The following RGS3 variants were observed in gnomAD, a reference collection of about 807,000 sequenced individuals.
The protein encoded by RGS3 is regulator of G protein signaling 3.
In RGS3, 80 loss-of-function variants were observed where a neutral mutation model predicts 132.6. The ratio of observed to expected loss-of-function variants is 0.60; its 90% CI spans 0.50 to 0.73. The LOEUF is 0.73. Among genes scored for constraint, RGS3 ranks in the 30% least tolerant of loss-of-function variants. The pLI is 0.00. For synonymous variants in RGS3, 598 were observed against 620.6 expected (o/e 0.96, Z 0.54); for missense variants, 1,382 against 1,530.8 (o/e 0.90, Z 1.62).
At chr9:113,480,674 G>A (rs1170831665) in intron 4 of RGS3, among the ~76,000 whole-genome samples, 1 of 152,174 alleles carries the variant, frequency 6.6e-6, no homozygotes, top group Non-Finnish European at 1.5e-5. Flanking sequence ...CAGGGAGGGT[G>A]TGGCTAGCAC....
intron 19 of RGS3, among the ~76,000 whole-genome samples, chr9:113,541,085 C>T (rs970019014): frequency 3.3e-5 from 5 of 152,206 alleles, no homozygotes; most frequent in Non-Finnish European, 7.3e-5. Flanking sequence ...CTGCCATATT[C>T]CAGGGGCCCA....
chr9:113,528,527 G>A (rs943961582), intron 17 of RGS3, among the ~76,000 whole-genome samples: 6 of 152,312 alleles, frequency 3.9e-5, no homozygotes, highest in Middle Eastern at 3.4e-3. Flanking sequence ...CTTCTGAAGC[G>A]CTCTGAGCAA....
chr9:113,575,934 G>C (rs1193139386), intron 19 of RGS3, among the ~76,000 whole-genome samples: 1 of 152,156 alleles, frequency 6.6e-6, no homozygotes. Flanking sequence ...TTAAAGTGCA[G>C]GTTCCGATCC....
chr9:113,531,989 C>G (rs555255614), intron 18 of RGS3, among the ~76,000 whole-genome samples: 16 of 152,248 alleles, frequency 1.1e-4, no homozygotes, highest in African/African-American at 3.4e-4. Context: ...TTAAAGAGGC[C>G]AAGAGGAGCT....
At chr9:113,470,460 T>A (rs946336353) in intron 3 of RGS3, among the ~76,000 whole-genome samples, 4 of 152,266 alleles carry the variant, frequency 2.6e-5, no homozygotes, top group African/African-American at 9.6e-5. Flanking sequence ...AATTATTATC[T>A]TTCTGGTGAG....
intron 10 of RGS3, 150 bp downstream of exon 8, chr9:113,498,230 A>T: frequency 1.5e-6 from 1 of 677,726 alleles, no homozygotes; most frequent in South Asian, 1.8e-5. Flanking sequence ...GATTTTCCTG[A>T]GGTGTATTAC....
chr9:113,531,285 T>C (rs1238071662), intron 18 of RGS3, among the ~76,000 whole-genome samples: 1 of 152,254 alleles, frequency 6.6e-6, no homozygotes, highest in Non-Finnish European at 1.5e-5. Context: ...GGTCAGGGAC[T>C]ATTCTCTAAC....
chr9:113,550,883 C>G (rs1029300611), intron 19 of RGS3, among the ~76,000 whole-genome samples: 2 of 151,982 alleles, frequency 1.3e-5, no homozygotes, highest in African/African-American at 4.8e-5. Flanking sequence ...TGTGTGTTAG[C>G]CTTTTATTTT....
At chr9:113,594,889 C>T (rs1276334625) in intron 22 of RGS3, 30 bp from the exon 21 acceptor site, 3 of 1,608,554 alleles carry the variant, frequency 1.9e-6, no homozygotes, top group East Asian at 2.2e-5. Context: ...CTCTCAGTGC[C>T]CTCACTGTGT....
chr9:113,548,993 C>T (rs1285761203), intron 19 of RGS3, among the ~76,000 whole-genome samples: 1 of 152,188 alleles, frequency 6.6e-6, no homozygotes, highest in Non-Finnish European at 1.5e-5. Flanking sequence ...TGCTGGTGTC[C>T]CCTCCCTTGC....
intron 7 of RGS3, among the ~76,000 whole-genome samples, chr9:113,487,146 C>G (rs1023929992): frequency 1.3e-5 from 2 of 148,666 alleles, no homozygotes; most frequent in African/African-American, 5.0e-5. Context: ...GCTCTGTCGC[C>G]CAGGCCGGAC....
intron 14 of RGS3, among the ~76,000 whole-genome samples, chr9:113,513,879 C>T (rs753493290): frequency 6.6e-6 from 1 of 152,140 alleles, no homozygotes; most frequent in Non-Finnish European, 1.5e-5. Context: ...CTTTGGTCTC[C>T]GCTGCCACTG....
intron 14 of RGS3, 111 bp downstream of exon 12, chr9:113,508,691 G>A: frequency 9.4e-7 from 1 of 1,058,324 alleles, no homozygotes; most frequent in Non-Finnish European, 1.4e-6. Flanking sequence ...AATGGAGTCA[G>A]GTCACTTAGC....
chr9:113,518,113 G>A lies in RGS3; in HGVS notation c.1758+489G>A, dbSNP rs1457424403. On this transcript the variant is annotated intron_variant, in intron 16 of 24. Transcript: ENST00000350696. ...CCTGTGGGGTGCTGACATGGGACCT[G>A]TGTCACCCTTCCTGGGAGCTGGCCT... Among the ~76,000 whole-genome samples the A allele has an allele frequency of 3.3e-5, 5 of 152,218 alleles. No homozygotes were observed. The East Asian group carries it at 9.6e-4, about 29-fold the overall frequency.
At position 113,522,918 on chromosome 9, in the gene RGS3, C is replaced by G; in HGVS notation, c.1759-12C>G. The G allele has an allele frequency of 5.1e-6, 8 of 1,580,008 alleles. No homozygotes were observed. Among genetic ancestry groups the G allele is most frequent in the Non-Finnish European group, 7.0e-6 (8 of 1,148,876 alleles). On this transcript the variant is annotated splice_polypyrimidine_tract_variant and intron_variant, in intron 16 of 24. Transcript: ENST00000350696. ...CAAAGTAGCCAGTTCTGTTTGCTCTCTGTCAACCCAGGTGACACTGTTTGC... is the reference window on the plus strand; with the variant it reads ...CAAAGTAGCCAGTTCTGTTTGCTCTGTGTCAACCCAGGTGACACTGTTTGC...
At chr9:113,555,295 C>A (rs1022018934) in intron 19 of RGS3, among the ~76,000 whole-genome samples, 4 of 152,182 alleles carry the variant, frequency 2.6e-5, no homozygotes, top group African/African-American at 9.6e-5. Context: ...GTGGCTTTAC[C>A]CTTACCTTTG....
At chr9:113,505,368 G>A in intron 10 of RGS3, 74 bp from the exon 9 acceptor site, 2 of 1,368,770 alleles carry the variant, frequency 1.5e-6, no homozygotes, top group Non-Finnish European at 1.0e-6. Flanking sequence ...GGGGTGGGCT[G>A]TGGGCTTCCT....
At chr9:113,494,883 C>CT (rs1190182955) in intron 7 of RGS3, among the ~76,000 whole-genome samples, 28 of 150,522 alleles carry the variant, frequency 1.9e-4, no homozygotes, top group African/African-American at 2.2e-4. Flanking sequence ...TCTTCTTCTT[C>CT]TTTTTTTTTG....
rs764674855 is a variant in RGS3, at chr9:113,523,057, A to AG, written c.1870+18dup. ...CTGCAGGAAGGTAAGCAGATGCCGT[A>AG]GGTGCCCAGAGCCCCTCTCAACTTG... On this transcript the variant is annotated intron_variant, in intron 17 of 24. Coordinates refer to ENST00000350696, the Ensembl canonical transcript of RGS3. The AG allele has an allele frequency of 2.0e-5, 31 of 1,525,776 alleles. No individual in the cohort carries two copies. Among genetic ancestry groups the AG allele is most frequent in the Non-Finnish European group, 2.8e-5 (31 of 1,100,102 alleles). 94.5% of individuals were successfully genotyped at this position (1,525,776 alleles called of 1,614,324 possible). A position where few individuals can be genotyped will look rare whatever the true frequency, so the allele number is the denominator to read the frequency against.
Sources: gnomAD v4.1 joint callset for allele counts (sites outside exome capture counted in the v4.1 genomes callset) on GRCh38, gnomAD v4.1.1 for gene constraint, MANE v1.5 for transcripts, NCBI Gene and HGNC (gene_info 2026-07-23, HGNC 2026-07-21) for gene names.